Variants in PDE10A observed in about 807,000 individuals in gnomAD.
PDE10A encodes the protein cAMP and cAMP-inhibited cGMP 3',5'-cyclic phosphodiesterase 10A.
In PDE10A, 39 loss-of-function variants were observed where a neutral mutation model predicts 97.7. The observed-to-expected ratio is 0.40, with a 90% CI of 0.31 to 0.52. The LOEUF is 0.52. Among genes scored for constraint, PDE10A ranks in the 20% least tolerant of loss-of-function variants. The probability of loss-of-function intolerance (pLI) is 0.56; values close to 1 mark genes in which losing one functional copy is unlikely to be tolerated. For missense variants in PDE10A, 731 were observed against 1,047.8 expected (o/e 0.70, Z 4.17); for synonymous variants, 371 against 376.8 (o/e 0.98, Z 0.18).
intron 11 of PDE10A, among the ~76,000 whole-genome samples, chr6:165,417,134 C>A (rs1165715744): frequency 6.6e-6 from 1 of 152,126 alleles, no homozygotes; most frequent in Non-Finnish European, 1.5e-5. Context: ...AGCTAGAGGA[C>A]TATCAGAAAA....
chr6:165,461,908 G>A (rs889176800), intron 3 of PDE10A, among the ~76,000 whole-genome samples: 7 of 152,212 alleles, frequency 4.6e-5, no homozygotes, highest in Admixed American at 2.0e-4. Flanking sequence ...TAATCCTCAA[G>A]GACTGGAACC....
chr6:165,413,454 AATTAAT>A (rs773705549), intron 13 of PDE10A, 41 bp downstream of exon 13: 21 of 1,332,542 alleles, frequency 1.6e-5, no homozygotes, highest in Admixed American at 1.0e-4. Context: ...AAAGATTCCA[AATTAAT>A]ATTGAGTAGT....
intron 1 of PDE10A, among the ~76,000 whole-genome samples, chr6:165,656,258 T>TCTCTCA (rs1365414526): frequency 1.8e-4 from 23 of 129,916 alleles, no homozygotes; most frequent in African/African-American, 6.9e-4. Flanking sequence ...TCTCTCTCTC[T>TCTCTCA]CACACACACA....
chr6:165,522,605 G>A (rs1187787345), intron 2 of PDE10A, among the ~76,000 whole-genome samples: 1 of 151,906 alleles, frequency 6.6e-6, no homozygotes, highest in Non-Finnish European at 1.5e-5. Context: ...CTAGGCACTG[G>A]GAGAACATAC....
intron 1 of PDE10A, among the ~76,000 whole-genome samples, chr6:165,943,440 C>T (rs1456052762): frequency 2.0e-5 from 3 of 152,090 alleles, no homozygotes; most frequent in Non-Finnish European, 4.4e-5. Flanking sequence ...CATGCAATTA[C>T]GGAGGCTAGC....
intron 1 of PDE10A, among the ~76,000 whole-genome samples, chr6:165,900,458 C>T (rs1229496178): frequency 6.6e-6 from 1 of 151,608 alleles, no homozygotes; most frequent in Admixed American, 6.6e-5. Context: ...AGTGACAGAG[C>T]GAGACTGTGT....
At chr6:165,450,400 A>T (rs1391816141) in intron 3 of PDE10A, 38 bp from the exon 4 acceptor site, 1 of 1,308,744 alleles carries the variant, frequency 7.6e-7, no homozygotes, top group African/African-American at 1.5e-5. Context: ...AACAGAGTTT[A>T]AATAAAATAT....
At chr6:165,809,827 G>A (rs1196780335) in intron 1 of PDE10A, among the ~76,000 whole-genome samples, 5 of 152,188 alleles carry the variant, frequency 3.3e-5, no homozygotes, top group Non-Finnish European at 5.9e-5. Flanking sequence ...ATCAGGGATC[G>A]CAACACAATG....
chr6:165,409,246 C>T (rs540632955), intron 13 of PDE10A, among the ~76,000 whole-genome samples: 9 of 150,042 alleles, frequency 6.0e-5, no homozygotes, highest in African/African-American at 1.7e-4. Flanking sequence ...CAATGTATAC[C>T]TTAAAGGTAA....
At chr6:165,767,023 C>T (rs1180437075) in intron 1 of PDE10A, among the ~76,000 whole-genome samples, 3 of 152,214 alleles carry the variant, frequency 2.0e-5, no homozygotes, top group Non-Finnish European at 4.4e-5. Flanking sequence ...CTTGACTTCT[C>T]ATTTATACCT....
chr6:165,623,211 C>T (rs1270816229), intron 1 of PDE10A, among the ~76,000 whole-genome samples: 2 of 152,116 alleles, frequency 1.3e-5, no homozygotes, highest in Non-Finnish European at 2.9e-5. Flanking sequence ...CTGCAACCTC[C>T]ACCTCCTGGG....
chr6:165,900,059 G>C (rs531788208), intron 1 of PDE10A, among the ~76,000 whole-genome samples: 1 of 152,224 alleles, frequency 6.6e-6, no homozygotes, highest in Admixed American at 6.5e-5. Flanking sequence ...CCACAGGTTC[G>C]CTGGTGCCCT....
At chr6:165,463,876 G>T (rs1298853905) in intron 3 of PDE10A, among the ~76,000 whole-genome samples, 1 of 152,250 alleles carries the variant, frequency 6.6e-6, no homozygotes, top group Non-Finnish European at 1.5e-5. Flanking sequence ...AATAGCATGA[G>T]TGATCTGTGC....
chr6:165,820,124 G>A (rs1041945022), intron 1 of PDE10A, among the ~76,000 whole-genome samples: 7 of 152,166 alleles, frequency 4.6e-5, no homozygotes, highest in Admixed American at 1.3e-4. Flanking sequence ...TAAAAAATAG[G>A]TTATAAGATG....
intron 1 of PDE10A, among the ~76,000 whole-genome samples, chr6:165,890,245 C>A (rs1781754276): frequency 6.6e-6 from 1 of 152,100 alleles, no homozygotes; most frequent in African/African-American, 2.4e-5. Flanking sequence ...ACGTGCGGAG[C>A]CTGCTGTTTC....
chr6:165,425,019 C>T (rs897456935), intron 10 of PDE10A, among the ~76,000 whole-genome samples: 2 of 152,090 alleles, frequency 1.3e-5, no homozygotes, highest in African/African-American at 4.8e-5. Flanking sequence ...CTGTTGATAT[C>T]TGTTGTTTCC....
chr6:165,923,632 T>G (rs1438039938), intron 1 of PDE10A, among the ~76,000 whole-genome samples: 1 of 152,230 alleles, frequency 6.6e-6, no homozygotes, highest in African/African-American at 2.4e-5. Context: ...ACTGGCAGCC[T>G]TCTTAACAAG....
intron 3 of PDE10A, among the ~76,000 whole-genome samples, chr6:165,463,847 GCATTCTTAAGCCACAAACAATAGCA>G (rs1282225381): frequency 6.6e-6 from 1 of 152,200 alleles, no homozygotes; most frequent in Non-Finnish European, 1.5e-5. Flanking sequence ...CCACTTAAAG[GCATTCTTAAGCCACAAACAATAGCA>G]TGAGTGATCT....
chr6:165,916,420 G>T (rs775845290), intron 1 of PDE10A, among the ~76,000 whole-genome samples: 1 of 152,142 alleles, frequency 6.6e-6, no homozygotes. Flanking sequence ...AGGAAGATTT[G>T]CCCATTTCAG....
Sources: allele counts gnomAD v4.1 joint callset (sites outside exome capture counted in the v4.1 genomes callset), GRCh38; gene constraint gnomAD v4.1.1; transcripts MANE v1.5; gene names NCBI Gene and HGNC (gene_info 2026-07-23, HGNC 2026-07-21).